The following CTNNA3 variants were observed in gnomAD, a reference collection of about 807,000 sequenced individuals.
CTNNA3 encodes the protein catenin alpha 3.
In CTNNA3, 76 loss-of-function variants were observed where a neutral mutation model predicts 95.7. That is an observed-to-expected ratio of 0.79 (90% CI 0.66 to 0.96). CTNNA3 has a LOEUF of 0.96. CTNNA3 is among the 40% of genes least tolerant of loss of function. The probability of loss-of-function intolerance (pLI) is 0.00; values close to 1 mark genes in which losing one functional copy is unlikely to be tolerated. For synonymous variants in CTNNA3, 431 were observed against 374.4 expected (o/e 1.15, Z -1.74); for missense variants, 1,191 against 1,089.8 (o/e 1.09, Z -1.31).
At chr10:67,256,059 T>C (rs1210687309) in intron 5 of CTNNA3, among the ~76,000 whole-genome samples, 1 of 152,030 alleles carries the variant, frequency 6.6e-6, no homozygotes, top group African/African-American at 2.4e-5. Context: ...AGGATTTCTC[T>C]CCTTTAAAAT....
chr10:66,363,370 T>C (rs2092690236), intron 12 of CTNNA3, among the ~76,000 whole-genome samples: 1 of 152,142 alleles, frequency 6.6e-6, no homozygotes, highest in Non-Finnish European at 1.5e-5. Context: ...ATAATGGGAT[T>C]AGTGCCCTTA....
chr10:66,875,920 A>G (rs748535790), intron 7 of CTNNA3, among the ~76,000 whole-genome samples: 1 of 152,140 alleles, frequency 6.6e-6, no homozygotes, highest in Non-Finnish European at 1.5e-5. Flanking sequence ...GCTGTTTTTC[A>G]GTGTCAGGTG....
At chr10:67,548,210 G>A (rs1179539107) in intron 3 of CTNNA3, among the ~76,000 whole-genome samples, 4 of 152,066 alleles carry the variant, frequency 2.6e-5, no homozygotes, top group South Asian at 2.1e-4. Flanking sequence ...TCCCACTCTC[G>A]TCATGTGACA....
At chr10:66,893,717 A>G (rs1388475752) in intron 7 of CTNNA3, among the ~76,000 whole-genome samples, 1 of 152,124 alleles carries the variant, frequency 6.6e-6, no homozygotes, top group Non-Finnish European at 1.5e-5. Context: ...CTCAAATTCA[A>G]TGCAAGATGA....
At chr10:66,173,799 T>C (rs1359342712) in intron 13 of CTNNA3, among the ~76,000 whole-genome samples, 1 of 152,178 alleles carries the variant, frequency 6.6e-6, no homozygotes, top group African/African-American at 2.4e-5. Context: ...TAAATAACCA[T>C]ATTTATATTC....
intron 10 of CTNNA3, among the ~76,000 whole-genome samples, chr10:66,602,402 T>G (rs891508802): frequency 8.6e-5 from 13 of 151,988 alleles, no homozygotes; most frequent in African/African-American, 2.7e-4. Context: ...GTTTATGTAT[T>G]TAAGGTTAAT....
intron 17 of CTNNA3, among the ~76,000 whole-genome samples, chr10:65,953,753 T>C (rs1330389309): frequency 6.6e-6 from 1 of 152,214 alleles, no homozygotes; most frequent in African/African-American, 2.4e-5. Context: ...CCATGGTGTA[T>C]ATGTGCCACA....
intron 11 of CTNNA3, among the ~76,000 whole-genome samples, chr10:66,510,402 T>C (rs1052182139): frequency 2.0e-5 from 3 of 151,826 alleles, no homozygotes; most frequent in Non-Finnish European, 3.0e-5. Context: ...TTTTTCCTAA[T>C]TGTTATGTGC....
At chr10:66,420,689 C>T (rs1362572182) in intron 11 of CTNNA3, among the ~76,000 whole-genome samples, 1 of 151,914 alleles carries the variant, frequency 6.6e-6, no homozygotes, top group Non-Finnish European at 1.5e-5. Flanking sequence ...GTACCAGCTA[C>T]TTGGGAGGCT....
intron 7 of CTNNA3, among the ~76,000 whole-genome samples, chr10:67,104,223 C>A (rs1034162509): frequency 6.6e-6 from 1 of 151,564 alleles, no homozygotes; most frequent in Non-Finnish European, 1.5e-5. Flanking sequence ...AGAAAAACAC[C>A]AATAATCTAC....
intron 1 of CTNNA3, among the ~76,000 whole-genome samples, chr10:67,650,900 T>C (rs1313115555): frequency 6.6e-6 from 1 of 152,152 alleles, no homozygotes; most frequent in Non-Finnish European, 1.5e-5. Context: ...TCACAAATAT[T>C]AAACAGAAAA....
chr10:66,149,803 C>A (rs35486889), intron 13 of CTNNA3, among the ~76,000 whole-genome samples: 11,202 of 151,894 alleles, frequency 0.074, 517 homozygotes, highest in Admixed American at 0.12. Context: ...TTTTTATAGT[C>A]TTTCACTTTA....
chr10:67,661,761 A>G (rs1049263428), intron 1 of CTNNA3, among the ~76,000 whole-genome samples: 2 of 152,214 alleles, frequency 1.3e-5, no homozygotes, highest in African/African-American at 2.4e-5. Flanking sequence ...AAATATATAC[A>G]TGGCAAATAA....
At chr10:67,637,311 A>G (rs1248372487) in intron 2 of CTNNA3, among the ~76,000 whole-genome samples, 1 of 152,238 alleles carries the variant, frequency 6.6e-6, no homozygotes, top group Admixed American at 6.5e-5. Flanking sequence ...AGAAGTTTAG[A>G]GAAAAAAGAA....
chr10:66,921,850 T>G (rs919537417), intron 7 of CTNNA3, among the ~76,000 whole-genome samples: 4 of 152,250 alleles, frequency 2.6e-5, no homozygotes, highest in African/African-American at 9.6e-5. Flanking sequence ...GGCCTTTATT[T>G]TGCACACAGA....
At chr10:66,502,342 T>C (rs1840304635) in intron 11 of CTNNA3, among the ~76,000 whole-genome samples, 1 of 152,182 alleles carries the variant, frequency 6.6e-6, no homozygotes, top group South Asian at 2.1e-4. Flanking sequence ...CACCCTGACA[T>C]CTACTTCTCC....
chr10:66,667,043 T>G (rs1369560059), intron 9 of CTNNA3, among the ~76,000 whole-genome samples: 1 of 152,142 alleles, frequency 6.6e-6, no homozygotes, highest in East Asian at 1.9e-4. Context: ...ATCATACTAT[T>G]AACCCCTATT....
chr10:66,024,055 C>G (rs1351499168), intron 15 of CTNNA3, among the ~76,000 whole-genome samples: 1 of 142,364 alleles, frequency 7.0e-6, no homozygotes. Context: ...TGTAGCTCCT[C>G]TAGTTATCAC....
intron 1 of CTNNA3, among the ~76,000 whole-genome samples, chr10:67,675,123 G>A (rs1840512179): frequency 6.6e-6 from 1 of 151,974 alleles, no homozygotes; most frequent in Admixed American, 6.6e-5. Flanking sequence ...TTTCTTTTCT[G>A]TGAATTACCT....
Sources: allele counts gnomAD v4.1 joint callset (sites outside exome capture counted in the v4.1 genomes callset), GRCh38; gene constraint gnomAD v4.1.1; transcripts MANE v1.5; gene names NCBI Gene and HGNC (gene_info 2026-07-23, HGNC 2026-07-21).